NF1: variants seen among roughly 807,000 people sequenced by gnomAD.
The protein encoded by NF1 is neurofibromin 1.
Under a neutral mutation model 325.7 loss-of-function variants are expected in NF1, and 122 were observed. That is an observed-to-expected ratio of 0.37 (90% CI 0.32 to 0.44). NF1 has a LOEUF of 0.44. NF1 is among the 20% of genes least tolerant of loss of function. The pLI is 1.00. For synonymous variants in NF1, 1,091 were observed against 1,186.0 expected (o/e 0.92, Z 1.65); for missense variants, 2,140 against 3,415.4 (o/e 0.63, Z 9.31).
At chr17:31,317,509 G>A (rs1468661784) in intron 36 of NF1, 2 of 151,874 alleles carry the variant, frequency 1.3e-5, no homozygotes, top group Non-Finnish European at 2.9e-5. Context: ...TAGAAAAGAT[G>A]AATATTATTA....
At chr17:31,146,912 G>A (rs1486809466) in intron 1 of NF1, among the ~76,000 whole-genome samples, 4 of 152,250 alleles carry the variant, frequency 2.6e-5, no homozygotes, top group Admixed American at 2.6e-4. Flanking sequence ...AATCCCTGAA[G>A]GGGCTGACTG....
rs1555533609 is a variant in NF1, at chr17:31,327,712, C to T, written c.5482C>T (p.Arg1828Trp). Residue 1828 changes from arginine (R) to tryptophan (W), a missense_variant, in exon 38 of 58, where the codon CGG becomes TGG. This residue lies in a region of NF1 where 147 missense variants were observed against 186.7 expected (regional missense o/e 0.79). Coordinates refer to ENST00000358273, the MANE Select transcript of NF1 (RefSeq NM_001042492.3). ...EAIVQSIIHI[R>W]TRWELSQPDS... ...CATTGTCCAGTCTATCATTCATATC[C>T]GGACCCGCTGGGAACTGTCACAGCC... 6.2e-6 allele frequency: 10 copies of T among 1,614,120 alleles called. No homozygotes were observed. Among genetic ancestry groups the T allele is most frequent in the Non-Finnish European group, 8.5e-6 (10 of 1,180,018 alleles).
intron 57 of NF1, among the ~76,000 whole-genome samples, chr17:31,362,680 G>A (rs1412650354): frequency 1.3e-5 from 2 of 152,120 alleles, no homozygotes; most frequent in Non-Finnish European, 2.9e-5. Context: ...TTAAAAGTCT[G>A]CTTCATCTTA....
chr17:31,109,469 C>T (rs185778942), intron 1 of NF1, among the ~76,000 whole-genome samples: 9 of 151,992 alleles, frequency 5.9e-5, no homozygotes, highest in East Asian at 1.9e-4. Context: ...CTGCAACCTC[C>T]GCCTCCCAGG....
intron 35 of NF1, among the ~76,000 whole-genome samples, chr17:31,263,003 TGA>T (rs2067711078): frequency 6.6e-6 from 1 of 150,610 alleles, no homozygotes; most frequent in Admixed American, 6.6e-5. Flanking sequence ...GGCAACATAG[TGA>T]GACCTTGTCT....
Position 31,336,294 on chromosome 17 carries a change from A to C in NF1, c.6007-39A>C. ...TTTTTTAATTAAAAATTAAATTGGT[A>C]GAGTGATTAAAAACATGTTATTTTC... On this transcript the variant is annotated intron_variant, in intron 40 of 57. Transcript: ENST00000358273. The surrounding 1 kb of genome is among the most constrained non-coding windows in gnomAD (Gnocchi z 5.5). 1 of 1,602,752 alleles carries C rather than the reference A, an allele frequency of 6.2e-7. No individual in the cohort carries two copies. The highest frequency in any genetic ancestry group is 8.5e-7 in the Non-Finnish European group (1 of 1,170,640).
At chr17:31,267,776 C>T (rs998659998) in intron 36 of NF1, among the ~76,000 whole-genome samples, 3 of 152,176 alleles carry the variant, frequency 2.0e-5, no homozygotes, top group Admixed American at 6.5e-5. Flanking sequence ...TTCAAATCAA[C>T]CTCCTCTTCA....
At chr17:31,154,216 C>T (rs1220984813) in intron 1 of NF1, among the ~76,000 whole-genome samples, 15 of 151,908 alleles carry the variant, frequency 9.9e-5, no homozygotes, top group South Asian at 2.1e-4. Flanking sequence ...CCACCACGCT[C>T]GGCTAACTTT....
At chr17:31,278,453 T>C (rs1302120064) in intron 36 of NF1, among the ~76,000 whole-genome samples, 2 of 142,706 alleles carry the variant, frequency 1.4e-5, no homozygotes, top group African/African-American at 5.1e-5. Flanking sequence ...AGATCTTTTC[T>C]TGAGTGATAT....
intron 1 of NF1, chr17:31,137,475 G>A (rs1036474724): frequency 2.0e-5 from 3 of 151,866 alleles, no homozygotes; most frequent in Non-Finnish European, 4.4e-5. Flanking sequence ...TCATTAACAC[G>A]TTCTCAGTAC....
chr17:31,248,843 TATAG>T, intron 29 of NF1, 137 bp from the exon 30 acceptor site: 2 of 776,638 alleles, frequency 2.6e-6, no homozygotes, highest in Non-Finnish European at 4.0e-6. Context: ...TTTTTTTTTT[TATAG>T]TTGGTTGTTT....
intron 37 of NF1, 81 bp downstream of exon 37, chr17:31,326,333 C>G: frequency 7.3e-7 from 1 of 1,366,174 alleles, no homozygotes; most frequent in Non-Finnish European, 1.0e-6. Context: ...CCTAGGTGTC[C>G]TACCCCTATA....
At position 31,163,342 on chromosome 17, in the gene NF1, A is replaced by G. The variant is rs750974024; in HGVS notation, c.445A>G (p.Asn149Asp). 2 of 1,614,202 alleles carry G rather than the reference A, an allele frequency of 1.2e-6. No homozygotes were observed. Among genetic ancestry groups the G allele is most frequent in the South Asian group, 1.1e-5 (1 of 91,088 alleles). Residue 149 changes from asparagine (N) to aspartate (D), a missense_variant, in exon 4 of 58, where the codon AAC becomes GAC. By Grantham distance (23) the Asn-to-Asp change is conservative. Around this residue, in one of 10 missense-constraint regions of NF1, gnomAD observed 246 missense variants for 347.8 expected, o/e 0.71. Coordinates refer to ENST00000358273, the MANE Select transcript of NF1 (RefSeq NM_001042492.3). ...SGVLFSLSCN[N>D]FNAVFSRIST... Reference sequence around the variant, plus strand: ...GGTTTTATTTTCTCTCAGCTGCAACAACTTCAATGCAGTCTTTAGTCGCAT... The same window carrying G: ...GGTTTTATTTTCTCTCAGCTGCAACGACTTCAATGCAGTCTTTAGTCGCAT...
At position 31,374,236 on chromosome 17, in the gene NF1, C is replaced by T. The variant is rs1194025183; in HGVS notation, c.*81C>T. The T allele has an allele frequency of 6.3e-7, 1 of 1,579,402 alleles. No individual in the cohort carries two copies. The highest frequency in any genetic ancestry group is 8.7e-7 in the Non-Finnish European group (1 of 1,150,638). Reference sequence around the variant, plus strand: ...CCCTTCCCTGTCCTTGCCCTTTCCCCCCATGTTGTAATGCTGCACTTCCTG... The same window carrying T: ...CCCTTCCCTGTCCTTGCCCTTTCCCTCCATGTTGTAATGCTGCACTTCCTG... On this transcript the variant is annotated 3_prime_UTR_variant, in exon 58 of 58. Coordinates refer to ENST00000358273, the MANE Select transcript of NF1 (RefSeq NM_001042492.3).
At chr17:31,337,278 C>T (rs1157130555) in intron 42 of NF1, 90 bp from the exon 43 acceptor site, 1 of 1,085,126 alleles carries the variant, frequency 9.2e-7, no homozygotes, top group South Asian at 1.4e-5. Flanking sequence ...ATATGGTATT[C>T]AAATTTTCTA....
chr17:31,232,932 C>T (rs1269856939), intron 26 of NF1, 51 bp downstream of exon 26: 9 of 1,613,000 alleles, frequency 5.6e-6, no homozygotes, highest in Non-Finnish European at 7.6e-6. Context: ...AGAGAACTGG[C>T]ATGTAAGAGA....
chr17:31,352,498 A>G (rs2151577674), intron 51 of NF1, 84 bp downstream of exon 51: 1 of 1,341,794 alleles, frequency 7.5e-7, no homozygotes, highest in Non-Finnish European at 1.0e-6. Flanking sequence ...TTGAAATTTC[A>G]GGATTATCAA....
intron 1 of NF1, among the ~76,000 whole-genome samples, chr17:31,100,713 G>A (rs1912246076): frequency 6.6e-6 from 1 of 152,174 alleles, no homozygotes; most frequent in Admixed American, 6.5e-5. Context: ...GGGACTACAG[G>A]CGCATGCCAC....
At chr17:31,128,260 G>C (rs1047889066) in intron 1 of NF1, among the ~76,000 whole-genome samples, 1 of 151,854 alleles carries the variant, frequency 6.6e-6, no homozygotes, top group South Asian at 2.1e-4. Context: ...CCCCAGGGTT[G>C]TTGCTTCTTT....
Sources: gnomAD v4.1 joint callset for allele counts (sites outside exome capture counted in the v4.1 genomes callset) on GRCh38, gnomAD v4.1.1 for gene constraint, gnomAD v4.1.1 regional missense constraint, Gnocchi (gnomAD v3.1) non-coding constraint, MANE v1.5 for transcripts, NCBI Gene and HGNC (gene_info 2026-07-23, HGNC 2026-07-21) for gene names.